The following PCDHGB6 variants were observed in gnomAD, a reference collection of about 807,000 sequenced individuals.
PCDHGB6 encodes the protein protocadherin gamma-B6.
Under a neutral mutation model 59.1 loss-of-function variants are expected in PCDHGB6, and 51 were observed. The observed-to-expected ratio is 0.86, with a 90% confidence interval of 0.69 to 1.09. The LOEUF is 1.09. Ranked by LOEUF, PCDHGB6 falls within the 50% of genes least tolerant of loss-of-function variation. The probability of loss-of-function intolerance (pLI) is 0.00; values close to 1 mark genes in which losing one functional copy is unlikely to be tolerated. For synonymous variants in PCDHGB6, 466 were observed against 495.1 expected, an observed-to-expected ratio of 0.94 and a Z score of 0.78; for missense variants, 1,148 against 1,205.1, an observed-to-expected ratio of 0.95 and a Z score of 0.70.
chr5:141,478,633 TGATGAA>T, intron 1 of PCDHGB6: 4 of 1,553,032 alleles, frequency 2.6e-6, no homozygotes, highest in Non-Finnish European at 3.5e-6. Flanking sequence ...GTTTTTTTAG[TGATGAA>T]GATGTTTTCC....
intron 2 of PCDHGB6, 91 bp from the exon 3 acceptor site, chr5:141,505,302 G>C: frequency 6.3e-7 from 1 of 1,592,714 alleles, no homozygotes. Context: ...TAGGGTTAGG[G>C]TACTAGGTTT....
In PCDHGB6 at chr5:141,430,200, T is replaced by G. The variant is rs182960813; in HGVS notation, c.2418+19580T>G. Among the ~76,000 whole-genome samples the G allele has an allele frequency of 8.2e-4, 124 of 152,052 alleles. 2 individuals are homozygous for G. Among genetic ancestry groups the G allele is most frequent in the African/African-American group, 2.9e-3 (119 of 41,468 alleles). ...CCCAAATTATAGCTGAATCAGAAAG[T>G]TTAAATTATTATATTATATGATTTG... On this transcript the variant is annotated intron_variant, in intron 1 of 3. Transcript: ENST00000520790.
rs746311453 is a variant in PCDHGB6 at position 141,428,229 on chromosome 5, C to T, written c.2418+17609C>T. On this transcript the variant is annotated intron_variant, in intron 1 of 3. Coordinates refer to ENST00000520790, the MANE Select transcript of PCDHGB6 (RefSeq NM_018926.3). ...CGCTTCACCTAGTCTTCGCAGACAGCCTGCAGGAGGCACTGCCAGACTTCA... is the reference window on the plus strand; with the variant it reads ...CGCTTCACCTAGTCTTCGCAGACAGTCTGCAGGAGGCACTGCCAGACTTCA... 3 of 1,098,554 alleles carry T rather than the reference C, an allele frequency of 2.7e-6. No homozygotes were observed. In the South Asian group the frequency reaches 3.9e-5, roughly 14 times the overall value. The allele number at this position is 1,098,554 out of a possible 1,614,324, so 68.1% of individuals were successfully genotyped here.
chr5:141,445,890 T>C (rs1435563284), intron 1 of PCDHGB6, among the ~76,000 whole-genome samples: 1 of 152,210 alleles, frequency 6.6e-6, no homozygotes, highest in Non-Finnish European at 1.5e-5. Context: ...ACTTAGGAGC[T>C]ATTAAAATAT....
In PCDHGB6 at chr5:141,477,155, G is replaced by A. The variant is rs2099406190; in HGVS notation, c.2419-17652G>A. ...GTTGGTGGAGGTTGTGGATGTGAATGACAACGCCCCGGAGATCACAGTCAC... is the reference window on the plus strand; with the variant it reads ...GTTGGTGGAGGTTGTGGATGTGAATAACAACGCCCCGGAGATCACAGTCAC... On this transcript the variant is annotated intron_variant, in intron 1 of 3. Coordinates refer to ENST00000520790, the MANE Select transcript of PCDHGB6 (RefSeq NM_018926.3). The surrounding 1 kb of genome is among the most constrained non-coding windows in gnomAD (Gnocchi z 4.9). The A allele has an allele frequency of 6.2e-7, 1 of 1,614,190 alleles. No individual in the cohort carries two copies. The highest frequency in any genetic ancestry group is 8.5e-7 in the Non-Finnish European group (1 of 1,180,042).
At chr5:141,422,546 GGC>G in intron 1 of PCDHGB6, 8 of 1,613,972 alleles carry the variant, frequency 5.0e-6, no homozygotes, top group Non-Finnish European at 6.8e-6. Flanking sequence ...ACTCATGTCT[GGC>G]TGAATGTGGC....
intron 1 of PCDHGB6, chr5:141,418,372 A>G (rs771262387): frequency 3.1e-6 from 5 of 1,613,968 alleles, no homozygotes; most frequent in Non-Finnish European, 3.4e-6. Context: ...GCAAATACCA[A>G]CTAAGTCCTA....
In PCDHGB6 at chr5:141,410,160, C is replaced by T. The variant is rs767993789; in HGVS notation, c.1958C>T (p.Pro653Leu). ...GCTGTGCGTGACGGTGGACAGCCGC[C>T]ACTCTCTGCCACCGCCACGCTTCAT... ...LVAVRDGGQP[P>L]LSATATLHLV... The change falls in exon 1 of 4, where the codon CCA becomes CTA. Residue 653 changes from proline (P) to leucine (L), a missense_variant. Physicochemically the swap from Pro to Leu is moderately conservative, Grantham distance 98 (BLOSUM62 -3). This residue lies in a region of PCDHGB6 where 549 missense variants were observed against 527.5 expected (regional missense o/e 1.04). Transcript: ENST00000520790. 100 of 1,613,580 alleles carry T rather than the reference C, an allele frequency of 6.2e-5. No individual in the cohort carries two copies. In the Middle Eastern group the frequency reaches 2.1e-3, roughly 34 times the overall value.
chr5:141,439,531 G>T (rs1474855779), intron 1 of PCDHGB6, among the ~76,000 whole-genome samples: 1 of 152,126 alleles, frequency 6.6e-6, no homozygotes, highest in Non-Finnish European at 1.5e-5. Context: ...TCTACAGAAC[G>T]CTGTCCTCTC....
chr5:141,509,663 G>A (rs933532930), intron 3 of PCDHGB6, among the ~76,000 whole-genome samples: 1 of 152,140 alleles, frequency 6.6e-6, no homozygotes, highest in Non-Finnish European at 1.5e-5. Context: ...ACTTCTCTGG[G>A]CCCCAGTTTC....
intron 1 of PCDHGB6, among the ~76,000 whole-genome samples, chr5:141,438,705 G>A (rs555160868): frequency 2.0e-4 from 29 of 145,842 alleles, no homozygotes; most frequent in African/African-American, 7.1e-4. Flanking sequence ...CTGTCACCCA[G>A]GCTGGAGTGC....
At chr5:141,423,549 C>T (rs748764057) in intron 1 of PCDHGB6, 113 of 1,613,568 alleles carry the variant, frequency 7.0e-5, no homozygotes, top group Non-Finnish European at 8.7e-5. Flanking sequence ...TCCCCCAGCC[C>T]AACTATGGGG....
At chr5:141,430,595 G>C (rs549786394) in intron 1 of PCDHGB6, 1 of 567,016 alleles carries the variant, frequency 1.8e-6, no homozygotes. Flanking sequence ...CCTTGCACGC[G>C]CCTGAAGCAC....
chr5:141,412,827 A>G (rs977931124), intron 1 of PCDHGB6, among the ~76,000 whole-genome samples: 2 of 152,236 alleles, frequency 1.3e-5, no homozygotes, highest in Non-Finnish European at 2.9e-5. Context: ...ATAGTAAATT[A>G]TTTAAAGATA....
chr5:141,426,310 A>G, intron 1 of PCDHGB6: 1 of 173,588 alleles, frequency 5.8e-6, no homozygotes. Context: ...GAAGCAGAGA[A>G]GCAGGACCCG....
chr5:141,418,372 A>T (rs771262387), intron 1 of PCDHGB6: 25 of 1,613,968 alleles, frequency 1.5e-5, no homozygotes, highest in Non-Finnish European at 2.1e-5. Flanking sequence ...GCAAATACCA[A>T]CTAAGTCCTA....
At chr5:141,417,937 C>T (rs571233315) in intron 1 of PCDHGB6, 2 of 1,612,530 alleles carry the variant, frequency 1.2e-6, no homozygotes, top group South Asian at 1.1e-5. Context: ...CTTTGTTCTA[C>T]CCCACGCTGT....
Position 141,476,114 on chromosome 5 carries a change from G to A in PCDHGB6, c.2419-18693G>A. Reference sequence around the variant, plus strand: ...CCGCTGAGAGGAACTGCTTTTGAGTGAGATGGTCCCAGAGGCCTGGAGGAG... The same window carrying A: ...CCGCTGAGAGGAACTGCTTTTGAGTAAGATGGTCCCAGAGGCCTGGAGGAG... On this transcript the variant is annotated intron_variant, in intron 1 of 3. Coordinates refer to ENST00000520790, the MANE Select transcript of PCDHGB6 (RefSeq NM_018926.3). The surrounding 1 kb of genome is among the most constrained non-coding windows in gnomAD (Gnocchi z 7.6). 6.3e-7 allele frequency: 1 copy of A among 1,592,296 alleles called. No individual in the cohort carries two copies. The highest frequency in any genetic ancestry group is 8.5e-7 in the Non-Finnish European group (1 of 1,171,536).
chr5:141,507,661 C>T (rs1328943034), intron 3 of PCDHGB6, among the ~76,000 whole-genome samples: 1 of 152,236 alleles, frequency 6.6e-6, no homozygotes, highest in Non-Finnish European at 1.5e-5. Context: ...GCTTTTTAGC[C>T]TAAATCCAGA....
Sources: allele counts gnomAD v4.1 joint callset (sites outside exome capture counted in the v4.1 genomes callset), GRCh38; gene constraint gnomAD v4.1.1; regional missense constraint gnomAD v4.1.1; non-coding constraint Gnocchi (gnomAD v3.1); transcripts MANE v1.5; gene names NCBI Gene and HGNC (gene_info 2026-07-23, HGNC 2026-07-21).